Variants in IL1RAPL1 observed in about 807,000 individuals in gnomAD.
IL1RAPL1 encodes interleukin-1 receptor accessory protein-like 1.
IL1RAPL1 carries 3 observed loss-of-function variants against 48.4 expected under a neutral mutation model. That is an observed-to-expected ratio of 0.06 (90% CI 0.03 to 0.16). The LOEUF (loss-of-function observed/expected upper bound fraction) is 0.16, where lower values mean the gene tolerates loss of function less well. Ranked by LOEUF, IL1RAPL1 falls within the 10% of genes least tolerant of loss-of-function variation. The probability of loss-of-function intolerance (pLI) is 1.00; values close to 1 mark genes in which losing one functional copy is unlikely to be tolerated. For missense variants in IL1RAPL1, 349 were observed against 530.6 expected (o/e 0.66, Z 3.36); for synonymous variants, 185 against 187.7 (o/e 0.99, Z 0.12).
intron 2 of IL1RAPL1, among the ~76,000 whole-genome samples, chrX:29,070,689 A>T (rs1387542711): frequency 9.0e-6 from 1 of 111,518 alleles, no homozygotes; most frequent in Non-Finnish European, 1.9e-5. Flanking sequence ...TTTGATTAGT[A>T]AAGGGAAGTA....
intron 1 of IL1RAPL1, among the ~76,000 whole-genome samples, chrX:28,638,625 A>G (rs1279273620): frequency 9.1e-6 from 1 of 109,392 alleles, no homozygotes; most frequent in East Asian, 2.8e-4. Context: ...GACCTACTAG[A>G]TAGTCAATAA....
intron 6 of IL1RAPL1, among the ~76,000 whole-genome samples, chrX:29,734,375 C>A (rs1021715526): frequency 8.9e-6 from 1 of 112,141 alleles, no homozygotes; most frequent in African/African-American, 3.2e-5. Flanking sequence ...CACATAAACA[C>A]AGGCACTTGT....
At chrX:29,168,370 T>C (rs1331356227) in intron 2 of IL1RAPL1, among the ~76,000 whole-genome samples, 1 of 106,616 alleles carries the variant, frequency 9.4e-6, no homozygotes, top group African/African-American at 3.4e-5. Flanking sequence ...CAATGTTTGC[T>C]AACTACTATT....
chrX:29,349,049 A>G (rs1189950664), intron 3 of IL1RAPL1, among the ~76,000 whole-genome samples: 6 of 112,593 alleles, frequency 5.3e-5, no homozygotes, highest in Admixed American at 4.7e-4. Flanking sequence ...TAACTTGTAT[A>G]TACGGGAGCC....
intron 2 of IL1RAPL1, among the ~76,000 whole-genome samples, chrX:28,797,283 A>ATT (rs1328668478): frequency 8.9e-6 from 1 of 111,935 alleles, no homozygotes; most frequent in African/African-American, 3.2e-5. Flanking sequence ...TCGGTTCCTC[A>ATT]TTACTTATGC....
At chrX:29,255,181 G>C (rs1245989447) in intron 2 of IL1RAPL1, among the ~76,000 whole-genome samples, 2 of 107,114 alleles carry the variant, frequency 1.9e-5, no homozygotes, top group Non-Finnish European at 3.9e-5. Context: ...CATTATATTT[G>C]TTCTTCTAAA....
chrX:28,801,215 T>G (rs1936671592), intron 2 of IL1RAPL1, among the ~76,000 whole-genome samples: 1 of 111,319 alleles, frequency 9.0e-6, no homozygotes, highest in Admixed American at 9.6e-5. Context: ...TTTAACTGTT[T>G]AGAAATTATG....
intron 2 of IL1RAPL1, among the ~76,000 whole-genome samples, chrX:29,032,600 A>G (rs185316692): frequency 7.1e-5 from 8 of 112,515 alleles, no homozygotes; most frequent in Non-Finnish European, 1.1e-4. Context: ...GCGATTCTTC[A>G]TGGATCAATA....
intron 2 of IL1RAPL1, among the ~76,000 whole-genome samples, chrX:29,060,916 TACTTTC>T (rs946071966): frequency 2.7e-5 from 3 of 111,902 alleles, no homozygotes; most frequent in African/African-American, 9.7e-5. Context: ...TATGTATGGT[TACTTTC>T]ACTTAGGATG....
At chrX:29,759,208 G>A (rs1928695192) in intron 6 of IL1RAPL1, among the ~76,000 whole-genome samples, 1 of 111,755 alleles carries the variant, frequency 8.9e-6, no homozygotes, top group African/African-American at 3.3e-5. Flanking sequence ...ATTTTAATTG[G>A]TCCTGTAATT....
At chrX:29,412,708 A>G (rs1934159893) in intron 5 of IL1RAPL1, among the ~76,000 whole-genome samples, 1 of 112,027 alleles carries the variant, frequency 8.9e-6, no homozygotes, top group Non-Finnish European at 1.9e-5. Context: ...GTGTAAGGGA[A>G]ACACACAAGA....
intron 2 of IL1RAPL1, among the ~76,000 whole-genome samples, chrX:29,272,902 T>G (rs1932064940): frequency 8.9e-6 from 1 of 112,153 alleles, no homozygotes; most frequent in Non-Finnish European, 1.9e-5. Context: ...TCAAGCTCTT[T>G]GCTCAGCTTG....
intron 3 of IL1RAPL1, among the ~76,000 whole-genome samples, chrX:29,345,789 G>T (rs1424189823): frequency 9.1e-6 from 1 of 109,843 alleles, no homozygotes; most frequent in South Asian, 3.8e-4. Context: ...GATAGAAATT[G>T]ATATATATAT....
At chrX:28,955,468 G>A (rs942178789) in intron 2 of IL1RAPL1, among the ~76,000 whole-genome samples, 2 of 110,563 alleles carry the variant, frequency 1.8e-5, no homozygotes, top group Non-Finnish European at 3.8e-5. Flanking sequence ...AAGGTATAAG[G>A]AAGGGATCCA....
chrX:29,607,152 A>G lies in IL1RAPL1; in HGVS notation c.704-61278A>G, dbSNP rs1481742756. ...ATTCACTTTCGTAGTCGGGTACCCTATTACTTCTCTAGGTCATCCCTCCTA... is the reference window on the plus strand; with the variant it reads ...ATTCACTTTCGTAGTCGGGTACCCTGTTACTTCTCTAGGTCATCCCTCCTA... On this transcript the variant is annotated intron_variant, in intron 5 of 10. Coordinates refer to ENST00000378993, the MANE Select transcript of IL1RAPL1 (RefSeq NM_014271.4). 2.4e-4 allele frequency among the ~76,000 whole-genome samples: 27 copies of G among 111,275 alleles called. No individual in the cohort carries two copies. In the Admixed American group the frequency reaches 2.6e-3, roughly 11 times the overall value.
At chrX:29,577,399 C>A (rs1922811877) in intron 5 of IL1RAPL1, among the ~76,000 whole-genome samples, 1 of 111,692 alleles carries the variant, frequency 9.0e-6, no homozygotes, top group Admixed American at 9.5e-5. Flanking sequence ...TCATCCTCAT[C>A]CTGCCACAAA....
intron 2 of IL1RAPL1, among the ~76,000 whole-genome samples, chrX:29,148,420 C>T (rs1237687736): frequency 9.0e-6 from 1 of 111,680 alleles, no homozygotes; most frequent in Non-Finnish European, 1.9e-5. Context: ...TGGTATCTCC[C>T]TCTTTCTCCT....
At chrX:29,374,113 C>T (rs1379285700) in intron 3 of IL1RAPL1, among the ~76,000 whole-genome samples, 1 of 104,167 alleles carries the variant, frequency 9.6e-6, no homozygotes, top group Non-Finnish European at 1.9e-5. Context: ...TGTCGTGCCT[C>T]TGCTTGGTTT....
At chrX:29,077,180 G>A (rs1229129120) in intron 2 of IL1RAPL1, among the ~76,000 whole-genome samples, 1 of 112,495 alleles carries the variant, frequency 8.9e-6, no homozygotes, top group East Asian at 2.8e-4. Flanking sequence ...GCTATTGCAC[G>A]ATTTTGGGCA....
Sources: gnomAD v4.1 joint callset for allele counts (sites outside exome capture counted in the v4.1 genomes callset) on GRCh38, gnomAD v4.1.1 for gene constraint, MANE v1.5 for transcripts, NCBI Gene and HGNC (gene_info 2026-07-23, HGNC 2026-07-21) for gene names.